GALC: variants seen among roughly 807,000 people sequenced by gnomAD.
GALC encodes the protein galactocerebrosidase.
A neutral mutation model predicts 91.8 loss-of-function variants in GALC; 77 were observed. That is an observed-to-expected ratio of 0.84 (90% CI 0.70 to 1.01). GALC has a LOEUF of 1.01. Ranked by LOEUF, GALC falls within the 50% of genes least tolerant of loss-of-function variation. The pLI, the probability that GALC is intolerant of heterozygous loss-of-function variation, is 0.00. For missense variants in GALC, 882 were observed against 855.9 expected (o/e 1.03, Z -0.38); for synonymous variants, 357 against 306.7 (o/e 1.16, Z -1.71).
intron 14 of GALC, among the ~76,000 whole-genome samples, chr14:87,942,518 T>C (rs934720961): frequency 6.6e-6 from 1 of 152,010 alleles, no homozygotes; most frequent in African/African-American, 2.4e-5. Flanking sequence ...TCTGAAAATA[T>C]TTCACTTCCT....
chr14:87,945,355 G>A (rs1566972128), intron 14 of GALC, among the ~76,000 whole-genome samples, 198 bp downstream of exon 14: 1 of 151,960 alleles, frequency 6.6e-6, no homozygotes. Context: ...CAAAAATGAG[G>A]GAAGGACACT....
chr14:87,984,150 A>AAC (rs1196360335), intron 5 of GALC, among the ~76,000 whole-genome samples: 3 of 151,648 alleles, frequency 2.0e-5, no homozygotes, highest in Non-Finnish European at 4.4e-5. Context: ...AAAAAAAAAA[A>AAC]AAACCCAGCT....
At chr14:87,965,700 G>A in intron 8 of GALC, 71 bp from the exon 9 acceptor site, 4 of 1,490,460 alleles carry the variant, frequency 2.7e-6, no homozygotes, top group Non-Finnish European at 3.7e-6. Flanking sequence ...AAAACCTGGA[G>A]TAAAAAGACT....
chr14:87,976,591 T>C, intron 6 of GALC, 103 bp from the exon 7 acceptor site: 1 of 944,138 alleles, frequency 1.1e-6, no homozygotes, highest in African/African-American at 1.6e-5. Context: ...ATCAGCGTTC[T>C]GGATAATAGC....
chr14:87,938,271 ATG>A (rs958493281), intron 16 of GALC, among the ~76,000 whole-genome samples: 93 of 152,118 alleles, frequency 6.1e-4, no homozygotes, highest in Non-Finnish European at 6.6e-4. Flanking sequence ...TTAACAGAAT[ATG>A]TGTGATGTCA....
intron 12 of GALC, among the ~76,000 whole-genome samples, chr14:87,948,326 T>C (rs183102070): frequency 1.3e-5 from 2 of 152,142 alleles, no homozygotes; most frequent in Admixed American, 1.3e-4. Flanking sequence ...GAGAGAAAAA[T>C]CCTGCTCATT....
rs1177210488 is a variant in GALC at position 87,963,460 on chromosome 14, C to A, written c.1085G>T (p.Gly362Val). ...QPGWYYLKTV[G>V]HLEKGGSYVA... is the part of the protein sequence containing the mutation. ...GTAGCTTCCTCCTTTCTCTAAATGG[C>A]CAACTGTCTTCAGGTAATACCAGCC... is the stretch of plus-strand genomic sequence containing the variant. Residue 362 changes from glycine (G) to valine (V), a missense_variant, in exon 10 of 17, where the codon GGC becomes GTC. By Grantham distance (109) the Gly-to-Val change is moderately radical (BLOSUM62 -3). Coordinates refer to ENST00000261304, the MANE Select transcript of GALC (RefSeq NM_000153.4). 2 of 1,613,086 alleles carry A rather than the reference C, an allele frequency of 1.2e-6. No homozygotes were observed. The highest frequency in any genetic ancestry group is 1.7e-6 in the Non-Finnish European group (2 of 1,179,256).
intron 7 of GALC, 129 bp downstream of exon 7, chr14:87,976,229 C>T: frequency 2.2e-6 from 2 of 902,976 alleles, no homozygotes. Context: ...ATGCATGCTT[C>T]AGGTAAGTGA....
chr14:87,972,314 T>C (rs779208399), intron 7 of GALC, among the ~76,000 whole-genome samples: 6 of 152,174 alleles, frequency 3.9e-5, no homozygotes, highest in Non-Finnish European at 8.8e-5. Context: ...ATAAAGTTTT[T>C]AAACCGGCAA....
At chr14:87,993,318 AGCAGCGAGCTTTTTCTTATCGCTCGCGT>A, upstream of GALC, 1 of 1,536,554 alleles carries the variant, frequency 6.5e-7, no homozygotes. Flanking sequence ...TGAGAAAAGA[AGCAGCGAGCTTTTTCTTATCGCTCGCGT>A]GTCTGTGGTC....
chr14:87,990,322 T>C (rs1197350361), intron 1 of GALC, among the ~76,000 whole-genome samples: 2 of 152,184 alleles, frequency 1.3e-5, no homozygotes, highest in Non-Finnish European at 2.9e-5. Flanking sequence ...GGAGTTTGTA[T>C]CCTGATTTCA....
At chr14:87,951,194 T>C (rs557992768) in intron 10 of GALC, among the ~76,000 whole-genome samples, 79 of 151,758 alleles carry the variant, frequency 5.2e-4, no homozygotes, top group Non-Finnish European at 1.0e-3. Context: ...TATATAGATA[T>C]CAAATACACA....
chr14:87,978,150 TC>T (rs1886582788), intron 6 of GALC, among the ~76,000 whole-genome samples: 1 of 152,156 alleles, frequency 6.6e-6, no homozygotes. Context: ...CCTCCCAGGA[TC>T]AGCAATTCTC....
intron 15 of GALC, among the ~76,000 whole-genome samples, chr14:87,940,984 T>C (rs1304774309): frequency 6.6e-6 from 1 of 151,964 alleles, no homozygotes; most frequent in African/African-American, 2.4e-5. Context: ...GATTTTTCCA[T>C]TTTAAGCCGA....
chr14:87,980,044 T>C (rs1886670521), intron 6 of GALC, among the ~76,000 whole-genome samples: 3 of 152,148 alleles, frequency 2.0e-5, no homozygotes, highest in Admixed American at 6.5e-5. Flanking sequence ...ATAGATCTTC[T>C]CAATCTATGC....
chr14:87,958,920 G>C (rs1293569382), intron 10 of GALC, among the ~76,000 whole-genome samples: 1 of 152,220 alleles, frequency 6.6e-6, no homozygotes, highest in African/African-American at 2.4e-5. Flanking sequence ...AGTGCTTTAT[G>C]ACAATGAGCT....
At chr14:87,942,816 T>G (rs943985812) in intron 14 of GALC, among the ~76,000 whole-genome samples, 13 of 151,992 alleles carry the variant, frequency 8.6e-5, no homozygotes, top group African/African-American at 3.1e-4. Flanking sequence ...CTGGACTACT[T>G]TACAGGAAGA....
chr14:87,941,452 T>C lies in GALC; in HGVS notation c.1777A>G (p.Arg593Gly). ...NKGGILIRSARGIFFWIFANG... is the reference protein window; with the variant it reads ...NKGGILIRSAGGIFFWIFANG... ...GCAAAAATCCAGAAGAAAATTCCTC[T>C]GGCACTTCTAATCAAAATACCACCT... Residue 593 changes from arginine (R) to glycine (G), a missense_variant, in exon 15 of 17, where the codon AGA (arginine) becomes GGA (glycine). Physicochemically the swap from Arg to Gly is moderately radical, Grantham distance 125. Transcript: ENST00000261304. 6.2e-7 allele frequency: 1 copy of C among 1,609,948 alleles called. No individual in the cohort carries two copies. The highest frequency in any genetic ancestry group is 1.7e-5 in the Admixed American group (1 of 59,904).
intron 6 of GALC, among the ~76,000 whole-genome samples, chr14:87,980,299 T>C (rs978586529): frequency 6.6e-6 from 1 of 151,812 alleles, no homozygotes; most frequent in East Asian, 1.9e-4. Context: ...AGAGAATTGC[T>C]TAAATCCGGG....
Sources: allele counts gnomAD v4.1 joint callset (sites outside exome capture counted in the v4.1 genomes callset), GRCh38; gene constraint gnomAD v4.1.1; transcripts MANE v1.5; gene names NCBI Gene and HGNC (gene_info 2026-07-23, HGNC 2026-07-21).